The following WDR49 variants were observed in gnomAD, a reference collection of about 807,000 sequenced individuals.
WDR49 encodes WD repeat domain 49, also known as cilia- and flagella-associated protein 337.
A neutral mutation model predicts 119.5 loss-of-function variants in WDR49; 107 were observed. The observed-to-expected ratio is 0.90, with a 90% confidence interval of 0.77 to 1.05. WDR49 has a LOEUF of 1.05. Among genes scored for constraint, WDR49 ranks in the 50% least tolerant of loss-of-function variants. The pLI, the probability that WDR49 is intolerant of heterozygous loss-of-function variation, is 0.00. For missense variants in WDR49, 1,240 were observed against 1,220.5 expected (o/e 1.02, Z -0.24); for synonymous variants, 425 against 418.8 (o/e 1.01, Z -0.18).
chr3:167,622,912 A>G (rs1424581301), intron 3 of WDR49, among the ~76,000 whole-genome samples: 1 of 152,108 alleles, frequency 6.6e-6, no homozygotes, highest in East Asian at 1.9e-4. Flanking sequence ...TCATTCAACA[A>G]AAGAAAAATT....
Position 167,626,993 on chromosome 3 carries a change from A to C in WDR49, c.465T>G (p.Tyr155Ter), listed in dbSNP as rs1717160002. The change falls in exon 3 of 19, where the codon TAT (tyrosine) becomes TAG (stop). Residue 155 changes from tyrosine (Y) to a stop codon, truncating the protein, a stop_gained. Transcript: ENST00000682715. LOFTEE classifies it high-confidence loss of function. Reference sequence around the variant, plus strand: ...ATAAACCTTCTTTACTAATTGTCAGATAATGACTTGAATTTTTTAAGAAAA... The same window carrying C: ...ATAAACCTTCTTTACTAATTGTCAGCTAATGACTTGAATTTTTTAAGAAAA... Reference protein sequence around the residue: ...KVIFLKNSSHYLTISKEGLLA... With the variant: ...KVIFLKNSSH The C allele has an allele frequency of 1.5e-6, 2 of 1,336,240 alleles. No individual in the cohort carries two copies. Among genetic ancestry groups the C allele is most frequent in the Non-Finnish European group, 1.9e-6 (2 of 1,045,896 alleles). 82.8% of individuals were successfully genotyped at this position (1,336,240 alleles called of 1,614,324 possible). A position where few individuals can be genotyped will look rare whatever the true frequency, so the allele number is the denominator to read the frequency against.
chr3:167,582,367 C>A (rs1714580037), intron 7 of WDR49, among the ~76,000 whole-genome samples: 1 of 152,092 alleles, frequency 6.6e-6, no homozygotes. Context: ...TATAACATTT[C>A]TTCCTTCAGA....
intron 5 of WDR49, among the ~76,000 whole-genome samples, chr3:167,606,940 G>A (rs914843858): frequency 6.6e-6 from 1 of 152,132 alleles, no homozygotes. Flanking sequence ...AGATATACAA[G>A]ACACTGTCCA....
At chr3:167,562,332 T>C (rs1713315274) in intron 8 of WDR49, among the ~76,000 whole-genome samples, 1 of 152,070 alleles carries the variant, frequency 6.6e-6, no homozygotes, top group South Asian at 2.1e-4. Flanking sequence ...AACAAAATAG[T>C]TCTGGGGGTA....
chr3:167,627,186 T>C lies in WDR49; in HGVS notation c.272A>G (p.Asp91Gly), dbSNP rs930104875. The part of the protein sequence containing the change: ...GTKEEYGELF[D>G]KVDVAQDGFI... ...GCCATCTTGGGCCACATCCACTTTG[T>C]CAAAGAGCTCCCCATATTCTTCCTT... The change falls in exon 3 of 19, where the codon GAC becomes GGC. Residue 91 changes from aspartate to glycine, a missense_variant. Transcript: ENST00000682715. The C allele has an allele frequency of 3.2e-6, 4 of 1,257,354 alleles. No homozygotes were observed. Among genetic ancestry groups the C allele is most frequent in the African/African-American group, 3.1e-5 (2 of 64,936 alleles). The allele number at this position is 1,257,354 out of a possible 1,614,324, so 77.9% of individuals were successfully genotyped here. A position where few individuals can be genotyped will look rare whatever the true frequency, so the allele number is the denominator to read the frequency against.
intron 7 of WDR49, among the ~76,000 whole-genome samples, chr3:167,582,346 T>C (rs1429485495): frequency 1.3e-5 from 2 of 152,184 alleles, no homozygotes; most frequent in Non-Finnish European, 2.9e-5. Flanking sequence ...AACATTTTTA[T>C]CTTAAAGTCA....
intron 7 of WDR49, among the ~76,000 whole-genome samples, chr3:167,600,901 T>C (rs990665791): frequency 6.6e-6 from 1 of 151,970 alleles, no homozygotes; most frequent in Non-Finnish European, 1.5e-5. Flanking sequence ...AAGCGGGAAG[T>C]GAAGTGGGGC....
intron 18 of WDR49, among the ~76,000 whole-genome samples, chr3:167,495,439 G>A (rs1232862368): frequency 2.6e-5 from 4 of 151,736 alleles, no homozygotes; most frequent in Non-Finnish European, 4.4e-5. Context: ...AAAGCAGACT[G>A]GTCAATATAA....
At chr3:167,571,131 T>C (rs1560291459) in intron 8 of WDR49, among the ~76,000 whole-genome samples, 1 of 152,154 alleles carries the variant, frequency 6.6e-6, no homozygotes, top group Non-Finnish European at 1.5e-5. Context: ...GCCCCCATTT[T>C]TAATAAATAA....
Position 167,550,702 on chromosome 3 carries a change from G to A in WDR49, c.1823+3948C>T, listed in dbSNP as rs111570684. ...AGTTATTCCTGGATAAAGCTAGAGG[G>A]AAAAACACAGAGATTTCTCCTTTAT... is the stretch of plus-strand genomic sequence containing the variant. On this transcript the variant is annotated intron_variant, in intron 10 of 18. Transcript: ENST00000682715. Among the ~76,000 whole-genome samples the A allele has an allele frequency of 2.5e-3, 375 of 149,282 alleles. 1 individual carries two copies. The highest frequency in any genetic ancestry group is 8.7e-3 in the African/African-American group (354 of 40,748).
intron 7 of WDR49, among the ~76,000 whole-genome samples, chr3:167,584,992 A>G (rs1714731917): frequency 6.6e-6 from 1 of 151,984 alleles, no homozygotes; most frequent in South Asian, 2.1e-4. Context: ...TGCATTGCAA[A>G]TATTTTGCCT....
intron 7 of WDR49, among the ~76,000 whole-genome samples, chr3:167,594,445 G>C (rs892468163): frequency 2.0e-5 from 3 of 152,152 alleles, no homozygotes; most frequent in Non-Finnish European, 4.4e-5. Flanking sequence ...ATTTGAACTT[G>C]AGAGAGATGA....
Position 167,522,433 on chromosome 3 carries a change from T to C in WDR49, c.2656A>G (p.Asn886Asp), listed in dbSNP as rs1752485554. ...TTTTGAATCTCACTTTCCACTAAAT[T>C]AGTATCTCTTTTAGGAAGGAAAAGG... is the stretch of plus-strand genomic sequence containing the variant. Reference protein sequence around the residue: ...NCLFLPKRDTNLVESEIQKEI... With the variant: ...NCLFLPKRDTDLVESEIQKEI... Residue 886 changes from asparagine (N) to aspartate (D), a missense_variant, in exon 16 of 19, where the codon AAT becomes GAT. Transcript: ENST00000682715. The C allele has an allele frequency of 1.2e-6, 2 of 1,610,432 alleles. No homozygotes were observed. The highest frequency in any genetic ancestry group is 8.5e-7 in the Non-Finnish European group (1 of 1,179,032).
At chr3:167,544,300 A>G (rs1712027805) in intron 10 of WDR49, among the ~76,000 whole-genome samples, 1 of 152,078 alleles carries the variant, frequency 6.6e-6, no homozygotes, top group South Asian at 2.1e-4. Flanking sequence ...TCTTCACAGA[A>G]TTAGAAAAAA....
intron 15 of WDR49, among the ~76,000 whole-genome samples, chr3:167,524,144 C>A (rs1752553568): frequency 6.6e-6 from 1 of 152,088 alleles, no homozygotes. Context: ...TCTCTAATGA[C>A]CAGTGATAAT....
intron 7 of WDR49, among the ~76,000 whole-genome samples, chr3:167,590,976 GT>G (rs1221904708): frequency 2.0e-5 from 3 of 151,664 alleles, no homozygotes; most frequent in African/African-American, 7.3e-5. Flanking sequence ...GGTTTGGTTT[GT>G]TTTTTGAATT....
At chr3:167,487,581 A>C (rs755401494) in intron 18 of WDR49, among the ~76,000 whole-genome samples, 41 of 152,172 alleles carry the variant, frequency 2.7e-4, no homozygotes, top group Non-Finnish European at 5.7e-4. Flanking sequence ...CCATCAACAG[A>C]GTAAACAGAC....
At position 167,522,497 on chromosome 3, in the gene WDR49, A is replaced by G; in HGVS notation, c.2605-13T>C. 1 of 1,585,888 alleles carries G rather than the reference A, an allele frequency of 6.3e-7. No individual in the cohort carries two copies. Among genetic ancestry groups the G allele is most frequent in the Non-Finnish European group, 8.5e-7 (1 of 1,173,616 alleles). On this transcript the variant is annotated splice_polypyrimidine_tract_variant and intron_variant, in intron 15 of 18. Coordinates refer to ENST00000682715, the MANE Select transcript of WDR49 (RefSeq NM_001366157.1). ...GCCAGTGCTTTGCCTGAAAAAAACG[A>G]AAACATCTGTTTTATTTTTATGAAA...
chr3:167,631,654 G>A (rs879614370), intron 2 of WDR49, among the ~76,000 whole-genome samples: 1 of 152,108 alleles, frequency 6.6e-6, no homozygotes, highest in Non-Finnish European at 1.5e-5. Flanking sequence ...ACATCGAAGC[G>A]AGAGTCAGGC....
Sources: gnomAD v4.1 joint callset for allele counts (sites outside exome capture counted in the v4.1 genomes callset) on GRCh38, gnomAD v4.1.1 for gene constraint, MANE v1.5 for transcripts, NCBI Gene and HGNC (gene_info 2026-07-23, HGNC 2026-07-21) for gene names.